NLGN1: variants seen among roughly 807,000 people sequenced by gnomAD.
NLGN1 encodes the protein neuroligin 1.
A neutral mutation model predicts 65.5 loss-of-function variants in NLGN1; 12 were observed. That is an observed-to-expected ratio of 0.18 (90% CI 0.12 to 0.30). The LOEUF is 0.30. Among genes scored for constraint, NLGN1 ranks in the 10% least tolerant of loss-of-function variants. The pLI, the probability that NLGN1 is intolerant of heterozygous loss-of-function variation, is 1.00. For synonymous variants in NLGN1, 350 were observed against 359.5 expected (o/e 0.97, Z 0.30); for missense variants, 750 against 1,007.1 (o/e 0.74, Z 3.46).
chr3:174,139,989 T>G (rs185949149), intron 4 of NLGN1, among the ~76,000 whole-genome samples: 18 of 152,320 alleles, frequency 1.2e-4, no homozygotes, highest in Non-Finnish European at 4.4e-5. Flanking sequence ...ATATTTTAGA[T>G]AACAGTTATT....
At chr3:173,669,489 C>A (rs888775322) in intron 3 of NLGN1, among the ~76,000 whole-genome samples, 1 of 152,146 alleles carries the variant, frequency 6.6e-6, no homozygotes, top group African/African-American at 2.4e-5. Context: ...TAACACTCTC[C>A]CTGTGTGCAT....
intron 4 of NLGN1, among the ~76,000 whole-genome samples, chr3:173,874,827 T>C (rs907430574): frequency 6.6e-6 from 1 of 152,168 alleles, no homozygotes; most frequent in Non-Finnish European, 1.5e-5. Context: ...CTTAATCATT[T>C]CTCTTTGTGA....
At chr3:173,445,110 T>C (rs1719947300) in intron 2 of NLGN1, among the ~76,000 whole-genome samples, 1 of 150,788 alleles carries the variant, frequency 6.6e-6, no homozygotes, top group Non-Finnish European at 1.5e-5. Context: ...CTACTAAAAA[T>C]ACAAAAAATT....
chr3:173,778,842 AAT>A (rs1382001739), intron 3 of NLGN1, among the ~76,000 whole-genome samples: 5 of 151,722 alleles, frequency 3.3e-5, no homozygotes. Context: ...TGTAAAAAAT[AAT>A]ATGAGTAATT....
At chr3:173,407,316 G>A (rs1205848526) in intron 1 of NLGN1, among the ~76,000 whole-genome samples, 3 of 152,152 alleles carry the variant, frequency 2.0e-5, no homozygotes. Flanking sequence ...GGGCCATGGT[G>A]GGTTTTAGAT....
chr3:174,275,929 A>G (rs1750469549), intron 5 of NLGN1, among the ~76,000 whole-genome samples: 1 of 151,852 alleles, frequency 6.6e-6, no homozygotes, highest in Non-Finnish European at 1.5e-5. Flanking sequence ...TAGACATTTT[A>G]AACCCTTTAT....
At chr3:174,071,927 G>T (rs994764574) in intron 4 of NLGN1, among the ~76,000 whole-genome samples, 3 of 152,086 alleles carry the variant, frequency 2.0e-5, no homozygotes, top group Non-Finnish European at 4.4e-5. Flanking sequence ...CTAGTCGGAA[G>T]ATCTGGAAAC....
At chr3:173,656,522 G>A (rs1055055027) in intron 3 of NLGN1, among the ~76,000 whole-genome samples, 1 of 149,774 alleles carries the variant, frequency 6.7e-6, no homozygotes, top group African/African-American at 2.4e-5. Flanking sequence ...TTGGTGTTTG[G>A]TTTTGGATTA....
intron 4 of NLGN1, among the ~76,000 whole-genome samples, chr3:174,034,103 G>A (rs568313815): frequency 7.8e-4 from 118 of 152,164 alleles, no homozygotes; most frequent in Non-Finnish European, 1.1e-3. Flanking sequence ...ACAAGGATAA[G>A]AATTACATGA....
intron 4 of NLGN1, among the ~76,000 whole-genome samples, chr3:174,210,369 G>A (rs557208002): frequency 6.6e-6 from 1 of 152,236 alleles, no homozygotes; most frequent in African/African-American, 2.4e-5. Context: ...GCACCTTCAG[G>A]TATATCTGGC....
chr3:174,269,766 C>CTAT (rs1748987746), intron 4 of NLGN1, among the ~76,000 whole-genome samples: 1 of 151,906 alleles, frequency 6.6e-6, no homozygotes, highest in South Asian at 2.1e-4. Context: ...AATCTCCAAA[C>CTAT]TATTTTTGAT....
chr3:173,794,738 TA>T (rs1403692706), intron 3 of NLGN1, among the ~76,000 whole-genome samples: 1 of 152,174 alleles, frequency 6.6e-6, no homozygotes, highest in Non-Finnish European at 1.5e-5. Flanking sequence ...ATGCTCAGGT[TA>T]GGGGTTAGTC....
At chr3:173,569,972 G>A (rs916758120) in intron 2 of NLGN1, among the ~76,000 whole-genome samples, 4 of 152,060 alleles carry the variant, frequency 2.6e-5, no homozygotes, top group Admixed American at 6.6e-5. Context: ...AAAATGCTGG[G>A]GAACAAAGGT....
chr3:174,139,224 T>C (rs1354278067), intron 4 of NLGN1, among the ~76,000 whole-genome samples: 1 of 152,170 alleles, frequency 6.6e-6, no homozygotes, highest in East Asian at 1.9e-4. Flanking sequence ...TGTAGTATCA[T>C]ACAGAATAGT....
Position 173,829,570 on chromosome 3 carries a change from GTT to G in NLGN1, c.646+21740_646+21741del, listed in dbSNP as rs869289570. 2.8e-4 allele frequency among the ~76,000 whole-genome samples: 27 copies of G among 97,324 alleles called. 1 individual carries two copies. The highest frequency in any genetic ancestry group is 9.6e-4 in the East Asian group (3 of 3,114). The allele number at this position is 97,324 out of a possible 152,430, so 63.8% of individuals were successfully genotyped here. Reference sequence around the variant, plus strand: ...AGTGTGTGCGTGTGTGTGTGTGTGTGTTTGTGTGTGTGTGTGTGTTAAGATCA... The same window carrying G: ...AGTGTGTGCGTGTGTGTGTGTGTGTGTGTGTGTGTGTGTGTGTTAAGATCA... On this transcript the variant is annotated intron_variant, in intron 4 of 6. Transcript: ENST00000457714.
Position 173,531,564 on chromosome 3 carries a change from T to TACACAC in NLGN1, c.-320-72694_-320-72689dup, listed in dbSNP as rs147720926. On this transcript the variant is annotated intron_variant, in intron 2 of 6. Coordinates refer to ENST00000457714, the Ensembl canonical transcript of NLGN1. ...TGTATTTGTTTTTACCTGTGTGAAA[T>TACACAC]ACACACACACACACACACACACACA... is the stretch of plus-strand genomic sequence containing the variant. Among the ~76,000 whole-genome samples, 752 of 148,240 alleles carry TACACAC rather than the reference T, an allele frequency of 5.1e-3. 4 individuals carry two copies. Among genetic ancestry groups the TACACAC allele is most frequent in the Middle Eastern group, 0.014 (4 of 290 alleles).
chr3:174,126,637 A>C (rs1435747476), intron 4 of NLGN1, among the ~76,000 whole-genome samples: 1 of 152,050 alleles, frequency 6.6e-6, no homozygotes, highest in Non-Finnish European at 1.5e-5. Flanking sequence ...AACTTGCCTT[A>C]ACCTGGGACT....
intron 3 of NLGN1, among the ~76,000 whole-genome samples, chr3:173,671,450 C>G (rs1762436325): frequency 6.6e-6 from 1 of 152,142 alleles, no homozygotes; most frequent in African/African-American, 2.4e-5. Context: ...CCACTGCACT[C>G]CAGACTGTCT....
At chr3:173,453,433 C>T (rs247983) in intron 2 of NLGN1, among the ~76,000 whole-genome samples, 15,528 of 151,536 alleles carry the variant, frequency 0.1, 877 homozygotes, top group Admixed American at 0.14. Context: ...ATTGATTGAT[C>T]CTTCCTTTCA....
Sources: allele counts gnomAD v4.1 joint callset (sites outside exome capture counted in the v4.1 genomes callset), GRCh38; gene constraint gnomAD v4.1.1; transcripts MANE v1.5; gene names NCBI Gene and HGNC (gene_info 2026-07-23, HGNC 2026-07-21).